Variants in CCDC88C observed in about 807,000 individuals in gnomAD.
CCDC88C encodes the protein coiled-coil and HOOK domain protein 88C.
A neutral mutation model predicts 198.8 loss-of-function variants in CCDC88C; 131 were observed. That is an observed-to-expected ratio of 0.66 (90% CI 0.57 to 0.76). CCDC88C has a LOEUF of 0.76. CCDC88C is among the 30% of genes least tolerant of loss of function. The pLI, the probability that CCDC88C is intolerant of heterozygous loss-of-function variation, is 0.00. For synonymous variants in CCDC88C, 1,166 were observed against 1,114.7 expected, an observed-to-expected ratio of 1.05 and a Z score of -0.92; for missense variants, 2,553 against 2,631.6, an observed-to-expected ratio of 0.97 and a Z score of 0.65.
chr14:91,363,146 T>C (rs902548061), intron 3 of CCDC88C, among the ~76,000 whole-genome samples: 1 of 152,156 alleles, frequency 6.6e-6, no homozygotes, highest in African/African-American at 2.4e-5. Context: ...TGAGACACAT[T>C]AATTTCAAAT....
At chr14:91,306,440 C>G (rs1196967316) in intron 18 of CCDC88C, among the ~76,000 whole-genome samples, 1 of 152,254 alleles carries the variant, frequency 6.6e-6, no homozygotes, top group African/African-American at 2.4e-5. Context: ...TAGTCTTTTA[C>G]TATCCCTTAT....
rs1892339963 is a variant in CCDC88C at position 91,321,170 on chromosome 14, C to T, written c.1477G>A (p.Gly493Ser). The T allele has an allele frequency of 1.2e-6, 2 of 1,613,168 alleles. No individual in the cohort carries two copies. The highest frequency in any genetic ancestry group is 2.2e-5 in the East Asian group (1 of 44,882). The change falls in exon 13 of 30, where the codon GGC becomes AGC. Residue 493 changes from glycine (G) to serine (S), a missense_variant. Coordinates refer to ENST00000389857, the MANE Select transcript of CCDC88C (RefSeq NM_001080414.4). ...RDASLVLEES[G>S]LKCGELEKEN... ...TTCTCCAGCTCCCCGCACTTGAGGC[C>T]GCTCTCCTCCAACACCAGGGACGCG...
At chr14:91,306,898 G>A in intron 18 of CCDC88C, 140 bp downstream of exon 18, 1 of 890,904 alleles carries the variant, frequency 1.1e-6, no homozygotes, top group Non-Finnish European at 1.6e-6. Flanking sequence ...CACAGGACCT[G>A]CAACTCAAGA....
chr14:91,417,546 G>A, intron 1 of CCDC88C, 85 bp downstream of exon 1: 2 of 1,327,370 alleles, frequency 1.5e-6, no homozygotes, highest in South Asian at 1.3e-5. Context: ...CGGGGCCCCG[G>A]CCGTGTCGGG....
intron 3 of CCDC88C, among the ~76,000 whole-genome samples, chr14:91,374,297 G>A (rs531065757): frequency 1.3e-5 from 2 of 152,334 alleles, no homozygotes; most frequent in African/African-American, 4.8e-5. Flanking sequence ...CCTAACTCTT[G>A]CAGGCAGTAG....
chr14:91,335,238 C>T (rs930441892), intron 10 of CCDC88C, among the ~76,000 whole-genome samples: 15 of 152,146 alleles, frequency 9.9e-5, no homozygotes, highest in Non-Finnish European at 1.9e-4. Flanking sequence ...CTTGGGGCCA[C>T]GTAGCCTGAG....
At chr14:91,366,641 C>G (rs1342928247) in intron 3 of CCDC88C, among the ~76,000 whole-genome samples, 1 of 152,216 alleles carries the variant, frequency 6.6e-6, no homozygotes, top group Non-Finnish European at 1.5e-5. Context: ...ATAATAGCCA[C>G]AAAAAGCAAG....
At chr14:91,399,742 G>A (rs1019405541) in intron 3 of CCDC88C, among the ~76,000 whole-genome samples, 7 of 151,716 alleles carry the variant, frequency 4.6e-5, no homozygotes, top group African/African-American at 1.7e-4. Context: ...AGGAGGCTGA[G>A]GCAGGAGAAT....
chr14:91,305,992 C>T, intron 18 of CCDC88C, 66 bp from the exon 19 acceptor site: 2 of 1,546,624 alleles, frequency 1.3e-6, no homozygotes, highest in South Asian at 2.3e-5. Context: ...GCCACAGGTA[C>T]TTGGGTTGTA....
At chr14:91,303,619 C>CT in intron 20 of CCDC88C, 82 bp downstream of exon 20, 1 of 1,422,028 alleles carries the variant, frequency 7.0e-7, no homozygotes, top group South Asian at 1.4e-5. Flanking sequence ...CCATCTACCC[C>CT]AGGCCCCACC....
At chr14:91,294,371 T>A in intron 22 of CCDC88C, 53 bp from the exon 23 acceptor site, 1 of 1,590,666 alleles carries the variant, frequency 6.3e-7, no homozygotes, top group Non-Finnish European at 8.6e-7. Context: ...GTGTTCCCAC[T>A]GCTGGGAACC....
intron 1 of CCDC88C, chr14:91,417,310 A>G: frequency 3.1e-6 from 2 of 640,278 alleles, no homozygotes; most frequent in East Asian, 2.7e-5. Flanking sequence ...CCCCAGGGAC[A>G]GGAGTGACCA....
intron 19 of CCDC88C, 91 bp from the exon 20 acceptor site, chr14:91,304,069 A>G: frequency 6.9e-7 from 1 of 1,457,784 alleles, no homozygotes; most frequent in Non-Finnish European, 9.3e-7. Flanking sequence ...AGACACGAAA[A>G]TAGCCGGGAC....
At chr14:91,328,449 G>C (rs866297432) in intron 10 of CCDC88C, among the ~76,000 whole-genome samples, 127 of 152,062 alleles carry the variant, frequency 8.4e-4, no homozygotes, top group African/African-American at 2.8e-3. Flanking sequence ...GCTGTCCAAG[G>C]CCAGAACGCC....
At chr14:91,401,297 AT>A (rs1328544591) in intron 3 of CCDC88C, among the ~76,000 whole-genome samples, 2 of 140,512 alleles carry the variant, frequency 1.4e-5, no homozygotes, top group East Asian at 4.0e-4. Context: ...TACATTATAT[AT>A]TATAATGTAT....
intron 10 of CCDC88C, among the ~76,000 whole-genome samples, chr14:91,335,702 C>T (rs905986659): frequency 6.6e-6 from 1 of 152,208 alleles, no homozygotes; most frequent in African/African-American, 2.4e-5. Context: ...CAATTAATGT[C>T]ACCGCATGAA....
chr14:91,339,513 C>A lies in CCDC88C; in HGVS notation c.625-51G>T, dbSNP rs528983851. 87 of 1,529,264 alleles carry A rather than the reference C, an allele frequency of 5.7e-5. No individual in the cohort carries two copies. The African/African-American group carries it at 7.0e-4, about 12-fold the overall frequency. 94.7% of individuals were successfully genotyped at this position (1,529,264 alleles called of 1,614,324 possible). On this transcript the variant is annotated intron_variant, in intron 7 of 29. Transcript: ENST00000389857. The surrounding 1 kb of genome is among the most constrained non-coding windows in gnomAD (Gnocchi z 5.8). ...GAGGAGAACAAACGGGGTTAACCAG[C>A]ACAACGCCTGAGCTTGAACAGGGTG... is the stretch of plus-strand genomic sequence containing the variant.
intron 3 of CCDC88C, among the ~76,000 whole-genome samples, chr14:91,406,183 C>G (rs1156854997): frequency 6.6e-6 from 1 of 152,230 alleles, no homozygotes; most frequent in African/African-American, 2.4e-5. Flanking sequence ...AGTGTCAAGT[C>G]CATTTTGCCC....
chr14:91,345,190 A>ATATATATATATATATTTTTTTTT (rs1246878587), intron 4 of CCDC88C, among the ~76,000 whole-genome samples: 1 of 52,204 alleles, frequency 1.9e-5, no homozygotes, highest in African/African-American at 7.9e-5. Context: ...ATATATATAT[A>ATATATATATATATATTTTTTTTT]TTTTTTTTTT....
Sources: gnomAD v4.1 joint callset for allele counts (sites outside exome capture counted in the v4.1 genomes callset) on GRCh38, gnomAD v4.1.1 for gene constraint, Gnocchi (gnomAD v3.1) non-coding constraint, MANE v1.5 for transcripts, NCBI Gene and HGNC (gene_info 2026-07-23, HGNC 2026-07-21) for gene names.